Variants in NAV3 observed in about 807,000 individuals in gnomAD.
The protein encoded by NAV3 is pore membrane and/or filament interacting like protein 1.
A neutral mutation model predicts 244.7 loss-of-function variants in NAV3; 87 were observed. The ratio of observed to expected loss-of-function variants is 0.36; its 90% CI spans 0.30 to 0.42. The LOEUF is 0.42. NAV3 is among the 20% of genes least tolerant of loss of function. NAV3 has a pLI of 1.00. For missense variants in NAV3, 2,663 were observed against 2,893.3 expected (o/e 0.92, Z 1.83); for synonymous variants, 1,126 against 1,042.2 (o/e 1.08, Z -1.55).
chr12:78,103,178 A>T (rs181095606), intron 12 of NAV3, among the ~76,000 whole-genome samples: 1 of 152,186 alleles, frequency 6.6e-6, no homozygotes, highest in Non-Finnish European at 1.5e-5. Context: ...CACCTCTTGA[A>T]TGCTTTGCTG....
At chr12:78,094,780 G>A (rs986156473) in intron 12 of NAV3, among the ~76,000 whole-genome samples, 1 of 151,918 alleles carries the variant, frequency 6.6e-6, no homozygotes, top group Non-Finnish European at 1.5e-5. Flanking sequence ...CAGGCATGGT[G>A]GCTCATGCCT....
At chr12:77,594,184 C>T (rs867547642) in intron 2 of NAV3, among the ~76,000 whole-genome samples, 1 of 152,012 alleles carries the variant, frequency 6.6e-6, no homozygotes, top group African/African-American at 2.4e-5. Context: ...ATTGTAGGCA[C>T]TTTATTTAAT....
chr12:77,821,072 C>T lies in NAV3; in HGVS notation c.73-119247C>T, dbSNP rs1197467292. Among the ~76,000 whole-genome samples the T allele has an allele frequency of 3.0e-5, 4 of 131,230 alleles. No homozygotes were observed. The South Asian group carries it at 1.1e-3, about 38-fold the overall frequency. The allele number at this position is 131,230 out of a possible 152,430, so 86.1% of individuals were successfully genotyped here. A position where few individuals can be genotyped will look rare whatever the true frequency, so the allele number is the denominator to read the frequency against. On this transcript the variant is annotated intron_variant, in intron 2 of 8. Transcript: ENST00000550042. ...TCTGCCCATCACACACACACATGTA[C>T]ACACACACATGTTCGCACAAACACA...
chr12:77,697,018 G>A (rs1435760973), intron 2 of NAV3, among the ~76,000 whole-genome samples: 2 of 152,124 alleles, frequency 1.3e-5, no homozygotes, highest in African/African-American at 4.8e-5. Context: ...GCAGCTGGAT[G>A]CTTCACCTTA....
At chr12:77,929,710 G>T (rs1325539957) in intron 1 of NAV3, among the ~76,000 whole-genome samples, 1 of 151,200 alleles carries the variant, frequency 6.6e-6, no homozygotes, top group Non-Finnish European at 1.5e-5. Context: ...TCGGCTCATT[G>T]CAACCTCTGC....
At chr12:77,817,002 G>A (rs1487463915) in intron 2 of NAV3, among the ~76,000 whole-genome samples, 4 of 152,050 alleles carry the variant, frequency 2.6e-5, no homozygotes, top group Non-Finnish European at 4.4e-5. Context: ...CTGCACGGCT[G>A]GTATTTTATC....
intron 27 of NAV3, 48 bp downstream of exon 27, chr12:78,177,361 T>C: frequency 6.3e-7 from 1 of 1,576,218 alleles, no homozygotes; most frequent in Non-Finnish European, 8.6e-7. Flanking sequence ...TAAAAACAAT[T>C]TTAGATGAAG....
intron 2 of NAV3, among the ~76,000 whole-genome samples, chr12:77,743,226 A>C (rs962506937): frequency 3.3e-5 from 5 of 152,004 alleles, no homozygotes; most frequent in African/African-American, 9.7e-5. Flanking sequence ...AATACAATAT[A>C]TAATGCATAT....
chr12:78,078,705 CTT>C (rs1331119746), intron 12 of NAV3, among the ~76,000 whole-genome samples: 2 of 152,030 alleles, frequency 1.3e-5, no homozygotes, highest in Non-Finnish European at 2.9e-5. Flanking sequence ...TCTTTCCACT[CTT>C]TTAAATTTAA....
At position 78,119,763 on chromosome 12, in the gene NAV3, G is replaced by A. The variant is rs759382547; in HGVS notation, c.3567G>A (p.Ser1189=). Residue 1189 remains serine (S), a synonymous_variant, in exon 15 of 40, where the codon TCG becomes TCA. Transcript: ENST00000397909. ...REPTKIGSGR[S]SPVTVNQTDK... is the part of the protein sequence containing the mutation. Reference sequence around the variant, plus strand: ...CAACTAAAATTGGGTCAGGGCGCTCGAGTCCTGTCACCGTCAACCAAACAG... The same window carrying A: ...CAACTAAAATTGGGTCAGGGCGCTCAAGTCCTGTCACCGTCAACCAAACAG... The A allele has an allele frequency of 5.6e-6, 9 of 1,614,042 alleles. No homozygotes were observed. The South Asian group carries it at 6.6e-5, about 12-fold the overall frequency.
At chr12:77,967,495 T>TCC (rs1480218553) in intron 4 of NAV3, among the ~76,000 whole-genome samples, 1 of 152,124 alleles carries the variant, frequency 6.6e-6, no homozygotes, top group Non-Finnish European at 1.5e-5. Flanking sequence ...GTTTGAGTTA[T>TCC]ATGATAAACC....
chr12:78,197,520 G>A, intron 35 of NAV3, 119 bp downstream of exon 35: 1 of 692,260 alleles, frequency 1.4e-6, no homozygotes, highest in Non-Finnish European at 2.2e-6. Context: ...TTTTTAAATT[G>A]ACAGATAAAA....
intron 2 of NAV3, among the ~76,000 whole-genome samples, chr12:77,663,113 A>G (rs1873541309): frequency 6.6e-6 from 1 of 152,216 alleles, no homozygotes; most frequent in South Asian, 2.1e-4. Flanking sequence ...CTTTTTTATT[A>G]TCGTTTTTGT....
At position 78,006,403 on chromosome 12, in the gene NAV3, T is replaced by C. The variant is rs972635221; in HGVS notation, c.881-16T>C. 1.9e-6 allele frequency: 3 copies of C among 1,601,398 alleles called. No individual in the cohort carries two copies. Among genetic ancestry groups the C allele is most frequent in the Non-Finnish European group, 2.6e-6 (3 of 1,172,526 alleles). ...TTAATCGCCTTTTCTTTATTTTTCT[T>C]CTAAACAATGTCCAGATTCCTCCAA... On this transcript the variant is annotated splice_polypyrimidine_tract_variant and intron_variant, in intron 7 of 39. Transcript: ENST00000397909.
At chr12:78,112,661 C>T (rs1437989987) in intron 12 of NAV3, among the ~76,000 whole-genome samples, 1 of 152,112 alleles carries the variant, frequency 6.6e-6, no homozygotes, top group Non-Finnish European at 1.5e-5. Flanking sequence ...GTCCCTCCCA[C>T]AACACATGGG....
At chr12:77,984,160 A>G (rs1870057721) in intron 5 of NAV3, among the ~76,000 whole-genome samples, 1 of 152,180 alleles carries the variant, frequency 6.6e-6, no homozygotes, top group Non-Finnish European at 1.5e-5. Context: ...ACTTTGGGAA[A>G]CAAGAATAAT....
At chr12:77,619,866 A>G (rs1233723170) in intron 2 of NAV3, among the ~76,000 whole-genome samples, 1 of 151,912 alleles carries the variant, frequency 6.6e-6, no homozygotes, top group African/African-American at 2.4e-5. Context: ...TAATGTGACA[A>G]AAAGTCTCTC....
chr12:78,195,769 G>A (rs2139963566), intron 34 of NAV3, among the ~76,000 whole-genome samples: 1 of 152,080 alleles, frequency 6.6e-6, no homozygotes, highest in South Asian at 2.1e-4. Context: ...CCAGCAGCTA[G>A]GCTAAATCTC....
intron 2 of NAV3, among the ~76,000 whole-genome samples, chr12:77,676,255 C>G (rs1284230884): frequency 6.6e-6 from 1 of 151,916 alleles, no homozygotes; most frequent in Non-Finnish European, 1.5e-5. Context: ...TTGCCCCCCA[C>G]CCACCAACAG....
Sources: allele counts gnomAD v4.1 joint callset (sites outside exome capture counted in the v4.1 genomes callset), GRCh38; gene constraint gnomAD v4.1.1; transcripts MANE v1.5; gene names NCBI Gene and HGNC (gene_info 2026-07-23, HGNC 2026-07-21).